Variants in CBFA2T3 observed in about 807,000 individuals in gnomAD.
CBFA2T3 encodes transcriptional corepressor CBFA2T3.
In CBFA2T3, 31 loss-of-function variants were observed where a neutral mutation model predicts 58.6. The observed-to-expected ratio is 0.53, with a 90% confidence interval of 0.40 to 0.71. CBFA2T3 has a LOEUF of 0.71. CBFA2T3 is among the 30% of genes least tolerant of loss of function. The pLI is 0.00. For synonymous variants in CBFA2T3, 531 were observed against 421.9 expected (o/e 1.26, Z -3.17); for missense variants, 1,076 against 963.1 (o/e 1.12, Z -1.55).
chr16:88,879,233 G>T, intron 11 of CBFA2T3, 37 bp downstream of exon 11: 1 of 1,544,824 alleles, frequency 6.5e-7, no homozygotes, highest in Non-Finnish European at 8.8e-7. Context: ...GGGAGCCGAG[G>T]CAGGGGATGG....
intron 7 of CBFA2T3, chr16:88,884,833 C>T: frequency 2.1e-6 from 1 of 473,092 alleles, no homozygotes; most frequent in Non-Finnish European, 3.7e-6. Context: ...GCCGCCCACC[C>T]CGGGGGGAGA....
At chr16:88,929,812 C>A (rs555096447) in intron 1 of CBFA2T3, among the ~76,000 whole-genome samples, 1 of 150,534 alleles carries the variant, frequency 6.6e-6, no homozygotes, top group Non-Finnish European at 1.5e-5. Context: ...ATGGTCCACA[C>A]AAAAGCTACC....
At chr16:88,906,582 G>A (rs1348559658) in intron 1 of CBFA2T3, among the ~76,000 whole-genome samples, 2 of 152,222 alleles carry the variant, frequency 1.3e-5, no homozygotes, top group Non-Finnish European at 2.9e-5. Context: ...GCTCAGCAGC[G>A]CCAGAAAGGG....
chr16:88,931,199 G>A (rs1303945209), intron 1 of CBFA2T3, among the ~76,000 whole-genome samples: 4 of 152,096 alleles, frequency 2.6e-5, no homozygotes, highest in African/African-American at 9.6e-5. Flanking sequence ...TCCCTCCCAG[G>A]GGCCCTGCTC....
At chr16:88,910,460 C>T (rs1016729203) in intron 1 of CBFA2T3, among the ~76,000 whole-genome samples, 2 of 152,216 alleles carry the variant, frequency 1.3e-5, no homozygotes, top group African/African-American at 4.8e-5. Flanking sequence ...TCAGCAAACA[C>T]TTGCTGCGTG....
intron 1 of CBFA2T3, among the ~76,000 whole-genome samples, chr16:88,968,081 A>C (rs1462753342): frequency 1.3e-5 from 2 of 152,234 alleles, no homozygotes; most frequent in Non-Finnish European, 2.9e-5. Context: ...AGTTGGGACC[A>C]TGTGACCACA....
chr16:88,879,802 C>T, intron 10 of CBFA2T3: 1 of 273,434 alleles, frequency 3.7e-6, no homozygotes, highest in East Asian at 6.5e-5. Context: ...TGCACCCCTG[C>T]AGGGCAAGGG....
chr16:88,936,264 G>A (rs1225787963), intron 1 of CBFA2T3, among the ~76,000 whole-genome samples: 1 of 152,178 alleles, frequency 6.6e-6, no homozygotes, highest in Non-Finnish European at 1.5e-5. Flanking sequence ...CTCCCATCCT[G>A]GTCTCCGGCA....
chr16:88,906,046 G>A (rs1277304028), intron 1 of CBFA2T3, among the ~76,000 whole-genome samples: 1 of 152,024 alleles, frequency 6.6e-6, no homozygotes, highest in Non-Finnish European at 1.5e-5. Flanking sequence ...AGGGGATGGA[G>A]ATGAGGCCGT....
chr16:88,939,744 C>G (rs1971641796), intron 1 of CBFA2T3: 1 of 152,324 alleles, frequency 6.6e-6, no homozygotes, highest in Non-Finnish European at 1.5e-5. Context: ...AAGAACGTGC[C>G]CAGGAACTGT....
chr16:88,880,579 C>A, intron 10 of CBFA2T3, 141 bp downstream of exon 10: 1 of 704,368 alleles, frequency 1.4e-6, no homozygotes, highest in Non-Finnish European at 2.4e-6. Flanking sequence ...CTCCGTGAGC[C>A]ACACAGCGGA....
Position 88,953,109 on chromosome 16 carries a change from G to T in CBFA2T3, c.151+23548C>A, listed in dbSNP as rs1057499101. On this transcript the variant is annotated intron_variant, in intron 1 of 11. Transcript: ENST00000268679. The surrounding 1 kb of genome is among the most constrained non-coding windows in gnomAD (Gnocchi z 4.9). ...CTGGTCTCCGTCTGCCGGTTAGATC[G>T]GCCCCCAGTCCTGCTGGCCCCAGCG... Among the ~76,000 whole-genome samples the T allele has an allele frequency of 6.6e-6, 1 of 152,168 alleles. No homozygotes were observed. Among genetic ancestry groups the T allele is most frequent in the African/African-American group, 2.4e-5 (1 of 41,418 alleles).
Position 88,886,055 on chromosome 16 carries a change from G to C in CBFA2T3, c.799C>G (p.Gln267Glu), listed in dbSNP as rs76244575. Residue 267 changes from glutamine to glutamate, a missense_variant, in exon 6 of 12, where the codon CAG (glutamine) becomes GAG (glutamate). By Grantham distance (29) the Gln-to-Glu change is conservative (BLOSUM62 2). Transcript: ENST00000268679. ...TPAQYLAQHE[Q>E]LLLDASASSP... ...GAGGCGCTGGCGTCCAGCAGGAGCT[G>C]CTCATGCTGGGCCAAGTACTGGGCG... 1.8e-4 allele frequency: 288 copies of C among 1,587,222 alleles called. 1 individual carries two copies. In the East Asian group the frequency reaches 3.3e-3, roughly 18 times the overall value.
Position 88,953,533 on chromosome 16 carries a change from G to A in CBFA2T3, c.151+23124C>T, listed in dbSNP as rs147161058. Among the ~76,000 whole-genome samples the A allele has an allele frequency of 5.9e-4, 84 of 143,076 alleles. No individual in the cohort carries two copies. The East Asian group carries it at 0.01, about 17-fold the overall frequency. The allele number at this position is 143,076 out of a possible 152,430, so 93.9% of individuals were successfully genotyped here. A position where few individuals can be genotyped will look rare whatever the true frequency, so the allele number is the denominator to read the frequency against. ...GGACCCTGAGTGTGGGGAGGCTGGG[G>A]TTGAGCAGTGGGGATCAGGATCTGG... is the stretch of plus-strand genomic sequence containing the variant. On this transcript the variant is annotated intron_variant, in intron 1 of 11. Coordinates refer to ENST00000268679, the MANE Select transcript of CBFA2T3 (RefSeq NM_005187.6). The surrounding 1 kb of genome is among the most constrained non-coding windows in gnomAD (Gnocchi z 4.9).
At chr16:88,961,344 G>A (rs1219357263) in intron 1 of CBFA2T3, among the ~76,000 whole-genome samples, 1 of 152,158 alleles carries the variant, frequency 6.6e-6, no homozygotes, top group Non-Finnish European at 1.5e-5. Context: ...CCACCACATA[G>A]TGACTGACCC....
At chr16:88,911,688 C>T (rs913933341) in intron 1 of CBFA2T3, among the ~76,000 whole-genome samples, 5 of 152,272 alleles carry the variant, frequency 3.3e-5, no homozygotes, top group African/African-American at 4.8e-5. Flanking sequence ...TAGAACAGAG[C>T]GCCTGGCCGC....
At chr16:88,946,575 C>T (rs1288868886) in intron 1 of CBFA2T3, among the ~76,000 whole-genome samples, 7 of 151,734 alleles carry the variant, frequency 4.6e-5, no homozygotes, top group Admixed American at 2.6e-4. Context: ...CTCTGCCTCC[C>T]GGGTTCAAGC....
chr16:88,925,959 G>A lies in CBFA2T3; in HGVS notation c.152-24303C>T, dbSNP rs764816066. On this transcript the variant is annotated intron_variant, in intron 1 of 11. Coordinates refer to ENST00000268679, the MANE Select transcript of CBFA2T3 (RefSeq NM_005187.6). ...AGAAGGACCAGGACCAGAAAGACAC[G>A]GCTGTCCTGTCTCCCACAGGCTGCA... Among the ~76,000 whole-genome samples, 9 of 152,222 alleles carry A rather than the reference G, an allele frequency of 5.9e-5. 1 individual carries two copies. The South Asian group carries it at 6.2e-4, about 11-fold the overall frequency.
chr16:88,919,699 C>CAAA (rs1970850071), intron 1 of CBFA2T3, among the ~76,000 whole-genome samples: 1 of 152,218 alleles, frequency 6.6e-6, no homozygotes, highest in African/African-American at 2.4e-5. Flanking sequence ...TACTTCTGAG[C>CAAA]ACGTGCAGTC....
Sources: allele counts gnomAD v4.1 joint callset (sites outside exome capture counted in the v4.1 genomes callset), GRCh38; gene constraint gnomAD v4.1.1; non-coding constraint Gnocchi (gnomAD v3.1); transcripts MANE v1.5; gene names NCBI Gene and HGNC (gene_info 2026-07-23, HGNC 2026-07-21).